Variants in CFAP47 observed in about 807,000 individuals in gnomAD.
CFAP47 encodes the protein cilia and flagella associated protein 47.
A neutral mutation model predicts 148.1 loss-of-function variants in CFAP47; 29 were observed. The ratio of observed to expected loss-of-function variants is 0.20; its 90% CI spans 0.15 to 0.27. The LOEUF (loss-of-function observed/expected upper bound fraction) is 0.27. Among genes scored for constraint, CFAP47 ranks in the 10% least tolerant of loss-of-function variants. The probability of loss-of-function intolerance (pLI) is 1.00; values close to 1 mark genes in which losing one functional copy is unlikely to be tolerated. For synonymous variants in CFAP47, 664 were observed against 577.3 expected (o/e 1.15, Z -2.15); for missense variants, 1,872 against 1,697.5 (o/e 1.10, Z -1.81).
At chrX:36,010,614 T>C (rs1937028607) in intron 21 of CFAP47, among the ~76,000 whole-genome samples, 1 of 110,248 alleles carries the variant, frequency 9.1e-6, no homozygotes, top group Admixed American at 9.8e-5. Context: ...CCCGCCACCA[T>C]GCCTGGCTAA....
At chrX:36,150,060 G>T (rs1939289807) in intron 37 of CFAP47, among the ~76,000 whole-genome samples, 1 of 110,964 alleles carries the variant, frequency 9.0e-6, no homozygotes. Context: ...TTTTCTCTGT[G>T]CCCTCATAGT....
intron 40 of CFAP47, among the ~76,000 whole-genome samples, chrX:36,181,204 C>T (rs1939745770): frequency 1.8e-5 from 2 of 111,515 alleles, no homozygotes; most frequent in Admixed American, 1.9e-4. Context: ...ATTGAGTATA[C>T]TTTCAGGATT....
chrX:35,953,689 T>C lies in CFAP47; in HGVS notation c.1144T>C (p.Leu382=), dbSNP rs1936201239. The C allele has an allele frequency of 8.3e-7, 1 of 1,198,792 alleles. No individual in the cohort carries two copies. The highest frequency in any genetic ancestry group is 1.8e-5 in the African/African-American group (1 of 56,792). Residue 382 remains leucine, a synonymous_variant, in exon 7 of 64, where the codon TTG becomes CTG. Coordinates refer to ENST00000378653, the MANE Select transcript of CFAP47 (RefSeq NM_001304548.2). The part of the protein sequence containing the change: ...FESVGSKDGF[L]RDDDYKTIKS... ...GTCCGTAGGAAGTAAAGATGGATTT[T>C]TGAGAGATGATGACTATAAAACCAT... is the stretch of plus-strand genomic sequence containing the variant.
chrX:36,299,292 AT>A, intron 52 of CFAP47, 140 bp downstream of exon 52: 1 of 341,365 alleles, frequency 2.9e-6, no homozygotes, highest in Middle Eastern at 8.7e-4. Context: ...CCCTGAAAAA[AT>A]GTACTGACTT....
At chrX:36,266,641 A>G (rs372706212) in intron 49 of CFAP47, among the ~76,000 whole-genome samples, 41 of 110,600 alleles carry the variant, frequency 3.7e-4, no homozygotes, top group African/African-American at 1.3e-3. Context: ...TTAAAGTGCT[A>G]TGATGGTAGA....
At chrX:36,343,147 CT>C (rs1432006003) in intron 57 of CFAP47, among the ~76,000 whole-genome samples, 2 of 111,609 alleles carry the variant, frequency 1.8e-5, no homozygotes, top group African/African-American at 6.5e-5. Flanking sequence ...TGAACTCATT[CT>C]TTTTTATGGC....
intron 39 of CFAP47, among the ~76,000 whole-genome samples, chrX:36,166,232 C>T (rs1249661786): frequency 9.1e-6 from 1 of 110,127 alleles, no homozygotes; most frequent in Admixed American, 9.7e-5. Flanking sequence ...ATTTCATTGC[C>T]CACATTTTGT....
chrX:36,278,389 C>T (rs964854001), intron 49 of CFAP47, among the ~76,000 whole-genome samples: 6 of 112,935 alleles, frequency 5.3e-5, no homozygotes, highest in African/African-American at 1.3e-4. Flanking sequence ...GCGTGGGACC[C>T]GCCAAGCCAG....
At chrX:36,082,720 C>G (rs1485046639) in intron 29 of CFAP47, among the ~76,000 whole-genome samples, 47 of 111,315 alleles carry the variant, frequency 4.2e-4, no homozygotes, top group Non-Finnish European at 3.8e-5. Context: ...CCAAAGCTAA[C>G]TATTCCATCC....
chrX:36,083,287 G>A (rs1000982367), intron 29 of CFAP47, among the ~76,000 whole-genome samples: 10 of 109,679 alleles, frequency 9.1e-5, no homozygotes, highest in East Asian at 2.9e-4. Context: ...ATACATGTAC[G>A]TATGTATACA....
intron 63 of CFAP47, among the ~76,000 whole-genome samples, chrX:36,381,025 A>G (rs1291984548): frequency 8.9e-6 from 1 of 111,909 alleles, no homozygotes; most frequent in Non-Finnish European, 1.9e-5. Context: ...CTGAAGTGGT[A>G]CAATTTGATA....
At chrX:36,123,373 G>T (rs968835633) in intron 33 of CFAP47, among the ~76,000 whole-genome samples, 2 of 111,979 alleles carry the variant, frequency 1.8e-5, no homozygotes, top group Admixed American at 9.4e-5. Flanking sequence ...TCTTTTCAGG[G>T]TGGTGAGTTC....
At chrX:36,241,325 C>A (rs909949473) in intron 48 of CFAP47, among the ~76,000 whole-genome samples, 2 of 111,718 alleles carry the variant, frequency 1.8e-5, no homozygotes, top group Non-Finnish European at 3.8e-5. Context: ...CGTAAGTGTC[C>A]AGGCCCCAGG....
chrX:35,927,361 A>G (rs73466946), intron 2 of CFAP47, among the ~76,000 whole-genome samples: 4,375 of 111,558 alleles, frequency 0.039, 205 homozygotes, highest in African/African-American at 0.13. Context: ...CAGTTTAAGT[A>G]GAACCATTTT....
chrX:36,221,486 TGG>T (rs782063958), intron 45 of CFAP47, among the ~76,000 whole-genome samples: 1 of 111,036 alleles, frequency 9.0e-6, no homozygotes, highest in Non-Finnish European at 1.9e-5. Flanking sequence ...CAAAATAAAA[TGG>T]GATAAAGTGT....
chrX:36,274,146 A>G (rs1940988774), intron 49 of CFAP47, among the ~76,000 whole-genome samples: 1 of 112,120 alleles, frequency 8.9e-6, no homozygotes, highest in Non-Finnish European at 1.9e-5. Flanking sequence ...TTTACAAATG[A>G]ATGCCCAATT....
chrX:36,325,482 T>C (rs143650152), intron 57 of CFAP47, among the ~76,000 whole-genome samples: 2 of 111,763 alleles, frequency 1.8e-5, no homozygotes, highest in Non-Finnish European at 3.8e-5. Flanking sequence ...CACTCGAAAG[T>C]ATCTTAAACA....
intron 45 of CFAP47, among the ~76,000 whole-genome samples, chrX:36,212,328 A>G (rs1940111284): frequency 8.9e-6 from 1 of 111,894 alleles, no homozygotes; most frequent in Admixed American, 9.5e-5. Context: ...TTGAAATCAG[A>G]AAGTGTGAGT....
chrX:35,975,965 T>G (rs1421614218), intron 15 of CFAP47, 52 bp downstream of exon 15: 1 of 1,134,306 alleles, frequency 8.8e-7, no homozygotes, highest in Non-Finnish European at 1.2e-6. Context: ...CATGTATTCA[T>G]GTATTCTGGT....
Sources: allele counts gnomAD v4.1 joint callset (sites outside exome capture counted in the v4.1 genomes callset), GRCh38; gene constraint gnomAD v4.1.1; transcripts MANE v1.5; gene names NCBI Gene and HGNC (gene_info 2026-07-23, HGNC 2026-07-21).